Variants in GRID2 observed in about 807,000 individuals in gnomAD.
GRID2 encodes glutamate receptor ionotropic, delta-2.
GRID2 carries 33 observed loss-of-function variants against 114.8 expected under a neutral mutation model. That is an observed-to-expected ratio of 0.29 (90% CI 0.22 to 0.38). The LOEUF (loss-of-function observed/expected upper bound fraction) is 0.38, where lower values mean the gene tolerates loss of function less well. Among genes scored for constraint, GRID2 ranks in the 10% least tolerant of loss-of-function variants. The pLI is 1.00. For synonymous variants in GRID2, 505 were observed against 449.9 expected (o/e 1.12, Z -1.55); for missense variants, 1,184 against 1,257.7 (o/e 0.94, Z 0.89).
intron 11 of GRID2, among the ~76,000 whole-genome samples, chr4:93,460,582 T>C (rs1187129156): frequency 6.6e-6 from 1 of 152,148 alleles, no homozygotes; most frequent in Non-Finnish European, 1.5e-5. Flanking sequence ...TGTAATTCCT[T>C]TTTTTAAACA....
chr4:92,827,752 G>A (rs755106410), intron 2 of GRID2, among the ~76,000 whole-genome samples: 4 of 152,042 alleles, frequency 2.6e-5, no homozygotes, highest in Non-Finnish European at 5.9e-5. Context: ...GATATATGAA[G>A]AGATGGATAT....
rs562828453 is a variant in GRID2 at position 93,311,874 on chromosome 4, G to A, written c.1245+73384G>A. Among the ~76,000 whole-genome samples, 90 of 152,256 alleles carry A rather than the reference G, an allele frequency of 5.9e-4. 2 individuals carry two copies. In the South Asian group the frequency reaches 0.017, roughly 29 times the overall value. Reference sequence around the variant, plus strand: ...TCTTAGCGTGAGCGGTTTTGGTGATGTTATTGAGGCAAAAAACAGAGAAGG... The same window carrying A: ...TCTTAGCGTGAGCGGTTTTGGTGATATTATTGAGGCAAAAAACAGAGAAGG... On this transcript the variant is annotated intron_variant, in intron 8 of 15. Transcript: ENST00000282020.
chr4:92,732,567 G>A (rs141012953), intron 2 of GRID2, among the ~76,000 whole-genome samples: 2 of 152,166 alleles, frequency 1.3e-5, no homozygotes, highest in Non-Finnish European at 2.9e-5. Flanking sequence ...TCCACTTATT[G>A]TGGTAAGTGA....
intron 2 of GRID2, among the ~76,000 whole-genome samples, chr4:92,967,097 G>C (rs1753204755): frequency 6.6e-6 from 1 of 151,740 alleles, no homozygotes; most frequent in Admixed American, 6.6e-5. Context: ...CTCCACTTAA[G>C]GCAACAAACT....
chr4:92,786,791 C>T lies in GRID2; in HGVS notation c.244+196505C>T, dbSNP rs1277955054. 2.0e-5 allele frequency among the ~76,000 whole-genome samples: 3 copies of T among 151,848 alleles called. No homozygotes were observed. The East Asian group carries it at 5.8e-4, about 29-fold the overall frequency. On this transcript the variant is annotated intron_variant, in intron 2 of 15. Coordinates refer to ENST00000282020, the MANE Select transcript of GRID2 (RefSeq NM_001510.4). ...GTATTTTTAGACTTAAAACAGACCA[C>T]AGTTGAACAATCCTGGTGAGGGGAG... is the stretch of plus-strand genomic sequence containing the variant.
At chr4:92,754,086 A>G (rs1737591909) in intron 2 of GRID2, among the ~76,000 whole-genome samples, 1 of 152,204 alleles carries the variant, frequency 6.6e-6, no homozygotes, top group African/African-American at 2.4e-5. Flanking sequence ...TAATTGTAGG[A>G]AAGTTAACGT....
In GRID2 at chr4:93,727,544, TAGTTTCAGAA is replaced by T. The variant is rs778855158; in HGVS notation, c.2361-41665_2361-41656del. 6.5e-4 allele frequency among the ~76,000 whole-genome samples: 99 copies of T among 152,354 alleles called. No individual in the cohort carries two copies. The East Asian group carries it at 0.017, about 26-fold the overall frequency. On this transcript the variant is annotated intron_variant, in intron 14 of 15. Transcript: ENST00000282020. ...TTCCCTCTTTTTCTATTGATTGGAA[TAGTTTCAGAA>T]GGAGTGGTACCAGTTCCTCCTTGTA...
intron 2 of GRID2, among the ~76,000 whole-genome samples, chr4:92,890,495 A>T (rs1168362042): frequency 1.3e-5 from 2 of 152,220 alleles, no homozygotes; most frequent in Non-Finnish European, 2.9e-5. Flanking sequence ...TATGTGGCCA[A>T]AAAACATATG....
chr4:92,538,886 C>T (rs1211623313), intron 1 of GRID2, among the ~76,000 whole-genome samples: 2 of 151,902 alleles, frequency 1.3e-5, no homozygotes, highest in South Asian at 2.1e-4. Flanking sequence ...ACTAAAAATA[C>T]AAAAAATTAT....
chr4:92,865,210 C>A (rs780007267), intron 2 of GRID2, among the ~76,000 whole-genome samples: 3 of 152,148 alleles, frequency 2.0e-5, no homozygotes, highest in Non-Finnish European at 2.9e-5. Context: ...AAAACTCCTG[C>A]CTTTACTGTC....
At chr4:92,481,980 T>TGA (rs1722616720) in intron 1 of GRID2, among the ~76,000 whole-genome samples, 5 of 47,660 alleles carry the variant, frequency 1.0e-4, no homozygotes, top group Admixed American at 3.0e-4. Context: ...GAATAAAATG[T>TGA]GATATATATA....
intron 1 of GRID2, among the ~76,000 whole-genome samples, chr4:92,561,615 G>A (rs1249753463): frequency 6.6e-6 from 1 of 152,082 alleles, no homozygotes; most frequent in Non-Finnish European, 1.5e-5. Flanking sequence ...GATAGGTGTG[G>A]GATAGATTAT....
At chr4:92,736,489 A>G (rs909107623) in intron 2 of GRID2, among the ~76,000 whole-genome samples, 1 of 152,146 alleles carries the variant, frequency 6.6e-6, no homozygotes, top group Non-Finnish European at 1.5e-5. Flanking sequence ...AAAGATAAAG[A>G]GCAGCAATTC....
chr4:93,141,749 T>C (rs187537113), intron 4 of GRID2, among the ~76,000 whole-genome samples: 3 of 152,352 alleles, frequency 2.0e-5, no homozygotes, highest in African/African-American at 7.2e-5. Context: ...CTTTGGAACA[T>C]GGCTTGTGAA....
At chr4:92,319,625 ATGT>A (rs1321224173) in intron 1 of GRID2, among the ~76,000 whole-genome samples, 1 of 152,218 alleles carries the variant, frequency 6.6e-6, no homozygotes, top group African/African-American at 2.4e-5. Context: ...ATTTAACAAA[ATGT>A]TGTATCTTTT....
At chr4:92,809,785 CAA>C (rs1453580774) in intron 2 of GRID2, among the ~76,000 whole-genome samples, 2 of 151,928 alleles carry the variant, frequency 1.3e-5, no homozygotes, top group East Asian at 3.9e-4. Flanking sequence ...TATTACCTAC[CAA>C]ACTCATGCAT....
chr4:93,707,956 AT>A (rs1409853024), intron 14 of GRID2, among the ~76,000 whole-genome samples: 1 of 151,950 alleles, frequency 6.6e-6, no homozygotes, highest in Non-Finnish European at 1.5e-5. Context: ...CCCACTGATC[AT>A]TCAGGAGCAT....
chr4:92,337,492 G>C (rs1328265279), intron 1 of GRID2, among the ~76,000 whole-genome samples: 3 of 152,126 alleles, frequency 2.0e-5, no homozygotes, highest in Non-Finnish European at 4.4e-5. Flanking sequence ...TAGAAGCTAA[G>C]TGTATTAGTC....
chr4:93,005,883 T>A (rs1362649632), intron 2 of GRID2, among the ~76,000 whole-genome samples: 2 of 152,116 alleles, frequency 1.3e-5, no homozygotes, highest in Non-Finnish European at 2.9e-5. Flanking sequence ...ACCTAGCTTA[T>A]AAATTTCATT....
Sources: allele counts gnomAD v4.1 joint callset (sites outside exome capture counted in the v4.1 genomes callset), GRCh38; gene constraint gnomAD v4.1.1; transcripts MANE v1.5; gene names NCBI Gene and HGNC (gene_info 2026-07-23, HGNC 2026-07-21).